The following NCBP1 variants were observed in gnomAD, a reference collection of about 807,000 sequenced individuals.
NCBP1 encodes the protein nuclear cap binding protein subunit 1.
A neutral mutation model predicts 111.7 loss-of-function variants in NCBP1; 16 were observed. That is an observed-to-expected ratio of 0.14 (90% CI 0.10 to 0.22). NCBP1 has a LOEUF of 0.22. Ranked by LOEUF, NCBP1 falls within the 10% of genes least tolerant of loss-of-function variation. The pLI, the probability that NCBP1 is intolerant of heterozygous loss-of-function variation, is 1.00. For synonymous variants in NCBP1, 304 were observed against 314.3 expected (o/e 0.97, Z 0.35); for missense variants, 607 against 957.5 (o/e 0.63, Z 4.83).
intron 10 of NCBP1, among the ~76,000 whole-genome samples, chr9:97,652,370 C>T (rs1328176953): frequency 6.6e-6 from 1 of 152,114 alleles, no homozygotes; most frequent in African/African-American, 2.4e-5. Flanking sequence ...ATAATTCCAG[C>T]AATTTGCGGG....
intron 1 of NCBP1, among the ~76,000 whole-genome samples, chr9:97,636,441 G>GTA (rs1261244529): frequency 6.8e-6 from 1 of 146,512 alleles, no homozygotes; most frequent in African/African-American, 2.5e-5. Context: ...TAGAGTGTGT[G>GTA]TATATATATA....
intron 10 of NCBP1, among the ~76,000 whole-genome samples, chr9:97,653,559 A>G (rs1418886488): frequency 1.5e-5 from 2 of 131,598 alleles, no homozygotes; most frequent in Non-Finnish European, 3.4e-5. Context: ...GTGTAGATCG[A>G]ATAAGCATTA....
intron 1 of NCBP1, among the ~76,000 whole-genome samples, chr9:97,640,330 C>T (rs953087689): frequency 3.3e-5 from 5 of 152,074 alleles, no homozygotes; most frequent in African/African-American, 1.2e-4. Context: ...CTTGGTTTTG[C>T]ACCCTTATTT....
At chr9:97,668,469 A>T (rs909965070) in intron 20 of NCBP1, among the ~76,000 whole-genome samples, 9 of 152,210 alleles carry the variant, frequency 5.9e-5, no homozygotes, top group African/African-American at 1.9e-4. Context: ...GCCTTGGCCC[A>T]TAGGACTTGC....
Position 97,645,648 on chromosome 9 carries a change from C to A in NCBP1, c.527C>A (p.Ser176Tyr). The change falls in exon 6 of 23, where the codon TCT becomes TAT. Residue 176 changes from serine (S) to tyrosine (Y), a missense_variant. Ser to Tyr is a moderately radical substitution (Grantham distance 144). This residue lies in a region of NCBP1 where 185 missense variants were observed against 272.0 expected (regional missense o/e 0.68). Coordinates refer to ENST00000375147, the MANE Select transcript of NCBP1 (RefSeq NM_002486.5). ...RDWYVYAFLS[S>Y]LPWVGKELYE... is the part of the protein sequence containing the mutation. ...TGGTATGTGTATGCATTTCTGTCAT[C>A]TTTGCCCTGGGTTGGAAAGGAGTTG... 1 of 1,614,060 alleles carries A rather than the reference C, an allele frequency of 6.2e-7. No individual in the cohort carries two copies. Among genetic ancestry groups the A allele is most frequent in the Non-Finnish European group, 8.5e-7 (1 of 1,179,928 alleles).
chr9:97,657,962 T>C (rs1827719191), intron 14 of NCBP1, among the ~76,000 whole-genome samples: 1 of 147,634 alleles, frequency 6.8e-6, no homozygotes, highest in Non-Finnish European at 1.5e-5. Context: ...CAGCCATTCA[T>C]TGAGCATTCC....
At chr9:97,670,946 C>T in intron 22 of NCBP1, 140 bp from the exon 23 acceptor site, 1 of 504,188 alleles carries the variant, frequency 2.0e-6, no homozygotes, top group Non-Finnish European at 3.6e-6. Context: ...TTTCAGGGGT[C>T]CATTGTTCCT....
Position 97,660,927 on chromosome 9 carries a change from C to A in NCBP1, c.1478-19C>A. The A allele has an allele frequency of 6.2e-7, 1 of 1,603,162 alleles. No homozygotes were observed. Among genetic ancestry groups the A allele is most frequent in the African/African-American group, 1.3e-5 (1 of 74,762 alleles). On this transcript the variant is annotated intron_variant, in intron 15 of 22. Transcript: ENST00000375147. ...GAAACCTGATCTGTCATTCCCCTTACCCCCAATTCTGTGTTTAGATTCTCT... is the reference window on the plus strand; with the variant it reads ...GAAACCTGATCTGTCATTCCCCTTAACCCCAATTCTGTGTTTAGATTCTCT...
chr9:97,645,344 A>G, intron 5 of NCBP1, 120 bp downstream of exon 5: 1 of 822,038 alleles, frequency 1.2e-6, no homozygotes, highest in African/African-American at 1.7e-5. Context: ...GAAAAAAATA[A>G]CAGCAGACTA....
chr9:97,647,653 C>T (rs1317319685), intron 7 of NCBP1, 92 bp downstream of exon 7: 10 of 1,101,708 alleles, frequency 9.1e-6, no homozygotes, highest in East Asian at 4.9e-5. Flanking sequence ...TCCATTTTAC[C>T]CTTTGACTGT....
chr9:97,664,235 A>G, intron 18 of NCBP1, 105 bp from the exon 19 acceptor site: 1 of 666,610 alleles, frequency 1.5e-6, no homozygotes, highest in Non-Finnish European at 2.5e-6. Context: ...CCAAAACTAA[A>G]TTTTATAGCC....
intron 9 of NCBP1, 21 bp from the exon 10 acceptor site, chr9:97,651,283 ATTAAAC>A: frequency 1.9e-6 from 3 of 1,586,718 alleles, no homozygotes; most frequent in African/African-American, 2.7e-5. Context: ...TCGTATACTT[ATTAAAC>A]TTAAATTACA....
At chr9:97,657,953 AG>A (rs146395050) in intron 14 of NCBP1, among the ~76,000 whole-genome samples, 6,267 of 133,034 alleles carry the variant, frequency 0.047, 206 homozygotes, top group Middle Eastern at 0.077. Flanking sequence ...TAACGTCCCC[AG>A]CCATTCATTG....
At chr9:97,665,395 C>T (rs187275083) in intron 19 of NCBP1, among the ~76,000 whole-genome samples, 1 of 152,318 alleles carries the variant, frequency 6.6e-6, no homozygotes, top group East Asian at 1.9e-4. Context: ...CCACATTTTA[C>T]AGAATAGGGA....
chr9:97,665,291 C>G (rs73500304), intron 19 of NCBP1, among the ~76,000 whole-genome samples: 6,228 of 152,298 alleles, frequency 0.041, 451 homozygotes, highest in African/African-American at 0.14. Flanking sequence ...GAAAACTAAC[C>G]ACCCGAGTAT....
chr9:97,666,015 A>T (rs1277991866), intron 19 of NCBP1, among the ~76,000 whole-genome samples: 1 of 152,160 alleles, frequency 6.6e-6, no homozygotes, highest in Non-Finnish European at 1.5e-5. Flanking sequence ...GGTTGGTCTT[A>T]TTGACTCAGG....
intron 19 of NCBP1, among the ~76,000 whole-genome samples, chr9:97,666,214 T>G (rs983886417): frequency 2.6e-5 from 4 of 152,324 alleles, no homozygotes; most frequent in Non-Finnish European, 4.4e-5. Flanking sequence ...GATCTTAGTA[T>G]GTATTTGCTA....
At chr9:97,653,937 T>A (rs1267467731) in intron 11 of NCBP1, 29 bp downstream of exon 11, 2 of 1,551,870 alleles carry the variant, frequency 1.3e-6, no homozygotes, top group Non-Finnish European at 1.8e-6. Flanking sequence ...TTAAACTTAA[T>A]CTCTTTGGCC....
intron 9 of NCBP1, among the ~76,000 whole-genome samples, chr9:97,651,035 A>G (rs536695167): frequency 5.3e-5 from 8 of 152,278 alleles, no homozygotes; most frequent in Non-Finnish European, 1.0e-4. Context: ...GATCTACTCT[A>G]TTAAAACTTC....
Sources: gnomAD v4.1 joint callset for allele counts (sites outside exome capture counted in the v4.1 genomes callset) on GRCh38, gnomAD v4.1.1 for gene constraint, gnomAD v4.1.1 regional missense constraint, MANE v1.5 for transcripts, NCBI Gene and HGNC (gene_info 2026-07-23, HGNC 2026-07-21) for gene names.